The following TMEM179B variants were observed in gnomAD, a reference collection of about 807,000 sequenced individuals.
TMEM179B encodes transmembrane protein 179B.
TMEM179B carries 13 observed loss-of-function variants against 18.0 expected under a neutral mutation model. The ratio of observed to expected loss-of-function variants is 0.72; its 90% CI spans 0.47 to 1.15. The LOEUF (loss-of-function observed/expected upper bound fraction) is 1.15, where lower values mean the gene tolerates loss of function less well. TMEM179B is among the 50% of genes most tolerant of loss of function. The pLI is 0.00. For missense variants in TMEM179B, 320 were observed against 270.6 expected (o/e 1.18, Z -1.28); for synonymous variants, 159 against 117.5 (o/e 1.35, Z -2.29).
In TMEM179B at chr11:62,790,001, G is replaced by A. The variant is rs778238179; in HGVS notation, c.614G>A (p.Ser205Asn). 2 of 1,614,000 alleles carry A rather than the reference G, an allele frequency of 1.2e-6. No individual in the cohort carries two copies. Among genetic ancestry groups the A allele is most frequent in the Non-Finnish European group, 1.7e-6 (2 of 1,179,968 alleles). ...RPLERGDPEW[S>N]SETDALVGSR... is the part of the protein sequence containing the mutation. ...CTGGAGAGGGGTGACCCTGAGTGGA[G>A]CTCTGAGACAGATGCTCTCGTTGGG... Residue 205 changes from serine (S) to asparagine (N), a missense_variant, in exon 5 of 5, where the codon AGC (serine) becomes AAC (asparagine). Coordinates refer to ENST00000333449, the MANE Select transcript of TMEM179B (RefSeq NM_199337.3).
Position 62,790,047 on chromosome 11 carries a change from A to C in TMEM179B, c.660A>C (p.Ter220CysextTer18). The C allele has an allele frequency of 6.2e-7, 1 of 1,607,446 alleles. No homozygotes were observed. The highest frequency in any genetic ancestry group is 1.1e-5 in the South Asian group (1 of 90,400). Residue 220 changes from the stop codon to cysteine, a stop_lost, in exon 5 of 5, where the codon TGA (stop) becomes TGC (cysteine). Coordinates refer to ENST00000333449, the MANE Select transcript of TMEM179B (RefSeq NM_199337.3). Reference sequence around the variant, plus strand: ...TTGGGTCACGCCTTTCCCATTCCTGAAGAATAAGCGGAGTGCTTCCTGCAG... The same window carrying C: ...TTGGGTCACGCCTTTCCCATTCCTGCAGAATAAGCGGAGTGCTTCCTGCAG... ...ALVGSRLSHS[*>C]
Position 62,787,450 on chromosome 11 carries a change from C to G in TMEM179B, c.19C>G (p.Gln7Glu), listed in dbSNP as rs1176717799. Residue 7 changes from glutamine to glutamate, a missense_variant, in exon 1 of 5, where the codon CAG becomes GAG. Coordinates refer to ENST00000333449, the MANE Select transcript of TMEM179B (RefSeq NM_199337.3). MALSWL[Q>E]RVELALFAAA... ...GGGCGCCATGGCGCTGTCCTGGCTG[C>G]AGCGCGTCGAGCTTGCGCTCTTTGC... The G allele has an allele frequency of 6.4e-7, 1 of 1,569,398 alleles. No homozygotes were observed. Among genetic ancestry groups the G allele is most frequent in the South Asian group, 1.1e-5 (1 of 87,876 alleles).
In TMEM179B at chr11:62,789,349, C is replaced by G. The variant is rs776719240; in HGVS notation, c.342C>G (p.Val114=). 2 of 1,614,048 alleles carry G rather than the reference C, an allele frequency of 1.2e-6. No individual in the cohort carries two copies. The highest frequency in any genetic ancestry group is 1.1e-5 in the South Asian group (1 of 91,070). The change falls in exon 3 of 5, where the codon GTC becomes GTG. Residue 114 remains valine, a synonymous_variant. Coordinates refer to ENST00000333449, the MANE Select transcript of TMEM179B (RefSeq NM_199337.3). The part of the protein sequence containing the change: ...LAISAIAVFL[V]LVSACILRFG... ...TCTCAGCTATAGCCGTCTTCCTGGTCTTGGTGTCTGCCTGTATCCTTCGAT... is the reference window on the plus strand; with the variant it reads ...TCTCAGCTATAGCCGTCTTCCTGGTGTTGGTGTCTGCCTGTATCCTTCGAT...
At chr11:62,787,688 C>A in intron 1 of TMEM179B, 161 bp downstream of exon 1, 1 of 963,312 alleles carries the variant, frequency 1.0e-6, no homozygotes, top group Non-Finnish European at 1.5e-6. Context: ...CGAGGCTAAT[C>A]GCGCTTTGTG....
chr11:62,787,647 C>T, intron 1 of TMEM179B, 120 bp downstream of exon 1: 1 of 1,255,806 alleles, frequency 8.0e-7, no homozygotes, highest in Non-Finnish European at 1.1e-6. Flanking sequence ...TGGTGAGGCA[C>T]GGCTGGCGCC....
chr11:62,788,917 T>C, intron 1 of TMEM179B, 106 bp from the exon 2 acceptor site: 1 of 1,273,532 alleles, frequency 7.9e-7, no homozygotes, highest in Non-Finnish European at 1.1e-6. Flanking sequence ...CACAAATAAC[T>C]TCCTGGAATG....
intron 1 of TMEM179B, among the ~76,000 whole-genome samples, chr11:62,788,730 A>G (rs2084321461): frequency 6.6e-6 from 1 of 151,694 alleles, no homozygotes; most frequent in Non-Finnish European, 1.5e-5. Context: ...AGGATATACA[A>G]GGCCTGGGTT....
chr11:62,787,984 T>C (rs1173879861), intron 1 of TMEM179B: 4 of 465,758 alleles, frequency 8.6e-6, no homozygotes, highest in African/African-American at 2.0e-5. Context: ...GAGAAAACGC[T>C]GACGTAAAGG....
rs560437466 is a variant in TMEM179B, at chr11:62,790,015, G to T, written c.628G>T (p.Ala210Ser). 5 of 1,613,818 alleles carry T rather than the reference G, an allele frequency of 3.1e-6. No homozygotes were observed. The African/African-American group carries it at 4.0e-5, about 13-fold the overall frequency. ...GDPEWSSETD[A>S]LVGSRLSHS Reference sequence around the variant, plus strand: ...CCCTGAGTGGAGCTCTGAGACAGATGCTCTCGTTGGGTCACGCCTTTCCCA... The same window carrying T: ...CCCTGAGTGGAGCTCTGAGACAGATTCTCTCGTTGGGTCACGCCTTTCCCA... The change falls in exon 5 of 5, where the codon GCT becomes TCT. Residue 210 changes from alanine to serine, a missense_variant. Coordinates refer to ENST00000333449, the MANE Select transcript of TMEM179B (RefSeq NM_199337.3).
At chr11:62,787,645 CA>C in intron 1 of TMEM179B, 118 bp downstream of exon 1, 1 of 1,304,890 alleles carries the variant, frequency 7.7e-7, no homozygotes, top group South Asian at 1.5e-5. Context: ...CCTGGTGAGG[CA>C]CGGCTGGCGC....
rs879747751 is a variant in TMEM179B at position 62,790,151 on chromosome 11, G to T, written c.*104G>T. ...TGTTGGGAGTCTTAGTTTTCCTTTC[G>T]TTGGGGGGTGGGGGGGAAACATAAT... On this transcript the variant is annotated 3_prime_UTR_variant, in exon 5 of 5. Coordinates refer to ENST00000333449, the MANE Select transcript of TMEM179B (RefSeq NM_199337.3). 3 of 1,300,180 alleles carry T rather than the reference G, an allele frequency of 2.3e-6. No homozygotes were observed. Among genetic ancestry groups the T allele is most frequent in the East Asian group, 2.6e-5 (1 of 38,010 alleles). The allele number at this position is 1,300,180 out of a possible 1,614,324, so 80.5% of individuals were successfully genotyped here.
In TMEM179B at chr11:62,787,503, G is replaced by A; in HGVS notation, c.72G>A (p.Ala24=). 6.3e-7 allele frequency: 1 copy of A among 1,577,640 alleles called. No homozygotes were observed. The highest frequency in any genetic ancestry group is 8.5e-7 in the Non-Finnish European group (1 of 1,169,982). The change falls in exon 1 of 5, where the codon GCG becomes GCA. Residue 24 remains alanine, a synonymous_variant. Transcript: ENST00000333449. The part of the protein sequence containing the change: ...FAAAFLCGAV[A]AAAMTRTQGS... ...CCGCCTTCCTGTGCGGGGCCGTGGC[G>A]GCCGCGGCGATGACTCGGACCCAGG...
chr11:62,789,090 C>T lies in TMEM179B; in HGVS notation c.164C>T (p.Ser55Phe). Residue 55 changes from serine to phenylalanine, a missense_variant, in exon 2 of 5, where the codon TCC becomes TTC. Ser to Phe is a radical substitution (Grantham distance 155). Transcript: ENST00000333449. ...CTGAATGGCTCCTCCCTGGCCTTAT[C>T]CCGTCCCTCAGCACCATCCCTGTGC... is the stretch of plus-strand genomic sequence containing the variant. ...ATLNGSSLAL[S>F]RPSAPSLCYF... The T allele has an allele frequency of 6.2e-7, 1 of 1,614,226 alleles. No homozygotes were observed. Among genetic ancestry groups the T allele is most frequent in the Non-Finnish European group, 8.5e-7 (1 of 1,180,044 alleles).
In TMEM179B at chr11:62,789,382, C is replaced by G; in HGVS notation, c.375C>G (p.Thr125=). The G allele has an allele frequency of 6.2e-7, 1 of 1,613,954 alleles. No individual in the cohort carries two copies. Among genetic ancestry groups the G allele is most frequent in the Non-Finnish European group, 8.5e-7 (1 of 1,180,006 alleles). The change falls in exon 3 of 5, where the codon ACC becomes ACG. Residue 125 remains threonine (T), a synonymous_variant. Coordinates refer to ENST00000333449, the MANE Select transcript of TMEM179B (RefSeq NM_199337.3). ...CTGCCTGTATCCTTCGATTTGGCAC[C>G]AGGTCTCTCTGCAACTCCATCATCT... ...LVSACILRFG[T]RSLCNSIISL...
chr11:62,789,482 G>C (rs2084332789), intron 3 of TMEM179B, 56 bp downstream of exon 3: 3 of 1,610,884 alleles, frequency 1.9e-6, no homozygotes, highest in Non-Finnish European at 2.5e-6. Flanking sequence ...CTCTGCAGCG[G>C]GGTCCTATAA....
At chr11:62,789,718 T>C (rs745346320) in intron 4 of TMEM179B, 39 bp downstream of exon 4, 33 of 1,523,316 alleles carry the variant, frequency 2.2e-5, no homozygotes, top group African/African-American at 4.2e-5. Context: ...GACATAAATA[T>C]CTGTAGCTGT....
At position 62,790,101 on chromosome 11, in the gene TMEM179B, A is replaced by G. The variant is rs898542987; in HGVS notation, c.*54A>G. ...AAGACTCCATGCCCAAGTGCCTGTA[A>G]TCCCCCCCCTCAAGGCCCTGTTTAT... On this transcript the variant is annotated 3_prime_UTR_variant, in exon 5 of 5. Coordinates refer to ENST00000333449, the MANE Select transcript of TMEM179B (RefSeq NM_199337.3). 4.6e-5 allele frequency: 68 copies of G among 1,468,066 alleles called. No individual in the cohort carries two copies. Among genetic ancestry groups the G allele is most frequent in the Non-Finnish European group, 6.0e-5 (66 of 1,105,814 alleles). 90.9% of individuals were successfully genotyped at this position (1,468,066 alleles called of 1,614,324 possible).
At position 62,787,459 on chromosome 11, in the gene TMEM179B, G is replaced by C; in HGVS notation, c.28G>C (p.Glu10Gln). MALSWLQRV[E>Q]LALFAAAFLC... is the part of the protein sequence containing the mutation. ...GGCGCTGTCCTGGCTGCAGCGCGTC[G>C]AGCTTGCGCTCTTTGCTGCCGCCTT... The change falls in exon 1 of 5, where the codon GAG (glutamate) becomes CAG (glutamine). Residue 10 changes from glutamate (E) to glutamine (Q), a missense_variant. Coordinates refer to ENST00000333449, the MANE Select transcript of TMEM179B (RefSeq NM_199337.3). 6 of 1,572,664 alleles carry C rather than the reference G, an allele frequency of 3.8e-6. No homozygotes were observed. The highest frequency in any genetic ancestry group is 1.8e-4 in the Middle Eastern group (1 of 5,670).
chr11:62,789,312 T>C lies in TMEM179B; in HGVS notation c.305T>C (p.Ile102Thr). 5 of 1,614,084 alleles carry C rather than the reference T, an allele frequency of 3.1e-6. No homozygotes were observed. Among genetic ancestry groups the C allele is most frequent in the Non-Finnish European group, 3.4e-6 (4 of 1,180,008 alleles). The stretch of plus-strand genomic sequence containing the variant: ...TTCAGAGGTGCTATAGGGCTGCGCA[T>C]TGCACTGGCCATCTCAGCTATAGCC... ...DSHRGAIGLR[I>T]ALAISAIAVF... The change falls in exon 3 of 5, where the codon ATT (isoleucine) becomes ACT (threonine). Residue 102 changes from isoleucine to threonine, a missense_variant. Transcript: ENST00000333449.
Sources: allele counts gnomAD v4.1 joint callset (sites outside exome capture counted in the v4.1 genomes callset), GRCh38; gene constraint gnomAD v4.1.1; transcripts MANE v1.5; gene names NCBI Gene and HGNC (gene_info 2026-07-23, HGNC 2026-07-21).